MIDN: variants seen among roughly 807,000 people sequenced by gnomAD.
The protein encoded by MIDN is midnolin.
A neutral mutation model predicts 46.1 loss-of-function variants in MIDN; 26 were observed. The ratio of observed to expected loss-of-function variants is 0.56; its 90% CI spans 0.41 to 0.78. The LOEUF (loss-of-function observed/expected upper bound fraction) is 0.78. Among genes scored for constraint, MIDN ranks in the 30% least tolerant of loss-of-function variants. MIDN has a pLI of 0.00. For missense variants in MIDN, 850 were observed against 771.8 expected (o/e 1.10, Z -1.20); for synonymous variants, 432 against 343.3 (o/e 1.26, Z -2.86).
chr19:1,249,675 T>C (rs1176171608), intron 1 of MIDN, among the ~76,000 whole-genome samples: 4 of 129,776 alleles, frequency 3.1e-5, no homozygotes, highest in Admixed American at 1.5e-4. Context: ...GCCTGGGCGC[T>C]GGGGGCGGGG....
At chr19:1,249,108 C>A (rs1464354332) in intron 1 of MIDN, among the ~76,000 whole-genome samples, 1 of 151,292 alleles carries the variant, frequency 6.6e-6, no homozygotes, top group Non-Finnish European at 1.5e-5. Flanking sequence ...CTCACCGCAT[C>A]CCCGAGCGCG....
rs1331324398 is a variant in MIDN at position 1,254,026 on chromosome 19, C to A, written c.457C>A (p.Arg153Ser). The change falls in exon 5 of 9, where the codon CGT becomes AGT. Residue 153 changes from arginine to serine, a missense_variant. By Grantham distance (110) the Arg-to-Ser change is moderately radical. Transcript: ENST00000682408. ...GAAATACAGATTCATTTTATTTAAG[C>A]GTCCGTGGCACCGACAGGGACCCCA... is the stretch of plus-strand genomic sequence containing the variant. Reference protein sequence around the residue: ...FRKYRFILFKRPWHRQGPQSP... With the variant: ...FRKYRFILFKSPWHRQGPQSP... 7 of 1,426,726 alleles carry A rather than the reference C, an allele frequency of 4.9e-6. No homozygotes were observed. The highest frequency in any genetic ancestry group is 1.5e-5 in the African/African-American group (1 of 65,820). The allele number at this position is 1,426,726 out of a possible 1,614,324, so 88.4% of individuals were successfully genotyped here.
Position 1,254,036 on chromosome 19 carries a change from A to T in MIDN, c.467A>T (p.His156Leu). 7.0e-7 allele frequency: 1 copy of T among 1,435,604 alleles called. No individual in the cohort carries two copies. Among genetic ancestry groups the T allele is most frequent in the East Asian group, 2.8e-5 (1 of 35,126 alleles). The allele number at this position is 1,435,604 out of a possible 1,614,324, so 88.9% of individuals were successfully genotyped here. ...TTCATTTTATTTAAGCGTCCGTGGCACCGACAGGGACCCCAGAGCCCAGAG... is the reference window on the plus strand; with the variant it reads ...TTCATTTTATTTAAGCGTCCGTGGCTCCGACAGGGACCCCAGAGCCCAGAG... ...YRFILFKRPW[H>L]RQGPQSPERG... The change falls in exon 5 of 9, where the codon CAC becomes CTC. Residue 156 changes from histidine to leucine, a missense_variant. Physicochemically the swap from His to Leu is moderately conservative, Grantham distance 99. Transcript: ENST00000682408.
intron 4 of MIDN, among the ~76,000 whole-genome samples, chr19:1,252,372 G>C (rs945023181): frequency 1.3e-5 from 2 of 151,970 alleles, no homozygotes; most frequent in Non-Finnish European, 2.9e-5. Flanking sequence ...TGGGGATCTC[G>C]TCACCCTCCC....
intron 8 of MIDN, 35 bp downstream of exon 8, chr19:1,255,729 GC>G: frequency 6.7e-7 from 1 of 1,497,708 alleles, no homozygotes; most frequent in Non-Finnish European, 8.9e-7. Context: ...TACCTTCCCC[GC>G]CCGCCTGGGC....
intron 6 of MIDN, 129 bp downstream of exon 6, chr19:1,254,607 C>T (rs898143002): frequency 3.7e-5 from 38 of 1,033,902 alleles, no homozygotes; most frequent in South Asian, 5.7e-5. Context: ...TATCCTGTGA[C>T]CTCGGGCTGG....
At chr19:1,250,902 C>T (rs898110452) in intron 2 of MIDN, among the ~76,000 whole-genome samples, 9 of 151,934 alleles carry the variant, frequency 5.9e-5, no homozygotes, top group East Asian at 3.9e-4. Context: ...TGTCTCCCCC[C>T]ACTTGCGTCT....
Position 1,255,394 on chromosome 19 carries a change from G to A in MIDN, c.986-28G>A, listed in dbSNP as rs746328047. 46 of 1,556,088 alleles carry A rather than the reference G, an allele frequency of 3.0e-5. No individual in the cohort carries two copies. In the Admixed American group the frequency reaches 5.5e-4, roughly 19 times the overall value. ...GGACATGCGGGACTGTGCCCGTGCC[G>A]GGCACTCACGGCCACCTCTGCCCGC... On this transcript the variant is annotated intron_variant, in intron 7 of 8. Transcript: ENST00000682408.
At position 1,257,367 on chromosome 19, in the gene MIDN, G is replaced by A; in HGVS notation, c.*95G>A. The A allele has an allele frequency of 2.0e-6, 2 of 978,414 alleles. No homozygotes were observed. Among genetic ancestry groups the A allele is most frequent in the Non-Finnish European group, 3.1e-6 (2 of 641,412 alleles). The allele number at this position is 978,414 out of a possible 1,614,324, so 60.6% of individuals were successfully genotyped here. A position where few individuals can be genotyped will look rare whatever the true frequency, so the allele number is the denominator to read the frequency against. ...AGAGAACGTGGCCCAGCCCTGGAGG[G>A]CAGGCGGCCACTCCCCCAGCCAGAA... On this transcript the variant is annotated 3_prime_UTR_variant, in exon 9 of 9. Transcript: ENST00000682408.
At chr19:1,250,938 C>T (rs949790764) in intron 2 of MIDN, among the ~76,000 whole-genome samples, 2 of 151,962 alleles carry the variant, frequency 1.3e-5, no homozygotes, top group Non-Finnish European at 2.9e-5. Context: ...TTCTCGCCTC[C>T]GAGCGCTCCC....
At chr19:1,256,413 C>T (rs1476389195) in intron 8 of MIDN, among the ~76,000 whole-genome samples, 4 of 147,240 alleles carry the variant, frequency 2.7e-5, no homozygotes, top group South Asian at 4.5e-4. Flanking sequence ...AACCCAGAGG[C>T]GGAGCTTGCA....
In MIDN at chr19:1,250,202, G is replaced by A. The variant is rs2081106762; in HGVS notation, c.-95G>A. On this transcript the variant is annotated 5_prime_UTR_variant, in exon 2 of 9. Transcript: ENST00000682408. ...TGCTCCGCGCCCCCGAGTGCCCGGAGGACCCGGCATCCGGGGAGCCTCTCG... is the reference window on the plus strand; with the variant it reads ...TGCTCCGCGCCCCCGAGTGCCCGGAAGACCCGGCATCCGGGGAGCCTCTCG... 2 of 427,278 alleles carry A rather than the reference G, an allele frequency of 4.7e-6. No individual in the cohort carries two copies. Among genetic ancestry groups the A allele is most frequent in the African/African-American group, 2.2e-5 (1 of 46,426 alleles). 26.5% of individuals were successfully genotyped at this position (427,278 alleles called of 1,614,324 possible).
intron 1 of MIDN, 147 bp from the exon 2 acceptor site, chr19:1,249,743 G>C (rs1404636355): frequency 1.3e-5 from 2 of 150,154 alleles, no homozygotes; most frequent in Admixed American, 1.3e-4. Flanking sequence ...TCATAGGCCC[G>C]GGCTCGCGGC....
rs2081226173 is a variant in MIDN, at chr19:1,258,260, G to A, written c.*988G>A. On this transcript the variant is annotated 3_prime_UTR_variant, in exon 9 of 9. Transcript: ENST00000682408. ...AGCCCTCCTTCCCGGCCCAACCTGA[G>A]GGATGTGGATTTGGGACTGTCTGGG... 6.6e-6 allele frequency: 1 copy of A among 152,640 alleles called. No homozygotes were observed. Among genetic ancestry groups the A allele is most frequent in the South Asian group, 2.1e-4 (1 of 4,856 alleles). The allele number at this position is 152,640 out of a possible 1,614,324, so 9.5% of individuals were successfully genotyped here.
At chr19:1,253,684 T>C (rs1220082139) in intron 4 of MIDN, 1 of 212,810 alleles carries the variant, frequency 4.7e-6, no homozygotes, top group Non-Finnish European at 9.6e-6. Flanking sequence ...AAGCAAAGGT[T>C]AGGACAGAAG....
chr19:1,250,788 C>T (rs1400512758), intron 2 of MIDN, among the ~76,000 whole-genome samples: 1 of 151,834 alleles, frequency 6.6e-6, no homozygotes, highest in African/African-American at 2.4e-5. Context: ...AATCCCAGGG[C>T]GTTGCGGGGG....
intron 6 of MIDN, 76 bp downstream of exon 6, chr19:1,254,554 G>A: frequency 2.1e-6 from 3 of 1,452,426 alleles, no homozygotes; most frequent in East Asian, 2.5e-5. Context: ...TCTTGGGGAG[G>A]ACAAGGACTC....
Position 1,250,262 on chromosome 19 carries a change from G to A in MIDN, c.-35G>A, listed in dbSNP as rs2145484024. 3 of 904,546 alleles carry A rather than the reference G, an allele frequency of 3.3e-6. No homozygotes were observed. Among genetic ancestry groups the A allele is most frequent in the Non-Finnish European group, 4.0e-6 (3 of 756,600 alleles). 56.0% of individuals were successfully genotyped at this position (904,546 alleles called of 1,614,324 possible). ...CGGAGGCGCGGCGAGGATTGGCGGCGCCCGCCGCCCCCAGCCCCCCAGCGC... is the reference window on the plus strand; with the variant it reads ...CGGAGGCGCGGCGAGGATTGGCGGCACCCGCCGCCCCCAGCCCCCCAGCGC... On this transcript the variant is annotated 5_prime_UTR_variant, in exon 2 of 9. Coordinates refer to ENST00000682408, the MANE Select transcript of MIDN (RefSeq NM_001388306.1).
At position 1,248,584 on chromosome 19, in the gene MIDN, G is replaced by A. The variant is rs1208099852; in HGVS notation, c.-484G>A. On this transcript the variant is annotated 5_prime_UTR_variant, in exon 1 of 9. Coordinates refer to ENST00000682408, the MANE Select transcript of MIDN (RefSeq NM_001388306.1). ...GGCTGAGGGCCGCGCGCTTGGCCCA[G>A]ACCGGCCCGGCCAGCGCGCATTCGG... The A allele has an allele frequency of 1.3e-5, 2 of 149,068 alleles. No homozygotes were observed. Among genetic ancestry groups the A allele is most frequent in the Admixed American group, 6.7e-5 (1 of 15,022 alleles). The allele number at this position is 149,068 out of a possible 1,614,324, so 9.2% of individuals were successfully genotyped here.
Sources: allele counts gnomAD v4.1 joint callset (sites outside exome capture counted in the v4.1 genomes callset), GRCh38; gene constraint gnomAD v4.1.1; transcripts MANE v1.5; gene names NCBI Gene and HGNC (gene_info 2026-07-23, HGNC 2026-07-21).